LINGO2: variants seen among roughly 807,000 people sequenced by gnomAD.
LINGO2 encodes leucine rich repeat and Ig domain containing 2, also known as leucine-rich repeat and immunoglobulin-like domain-containing nogo receptor-interacting protein 2.
Under a neutral mutation model 30.6 loss-of-function variants are expected in LINGO2, and 14 were observed. The ratio of observed to expected loss-of-function variants is 0.46; its 90% CI spans 0.30 to 0.72. The LOEUF (loss-of-function observed/expected upper bound fraction) is 0.72. LINGO2 is among the 30% of genes least tolerant of loss of function. The probability of loss-of-function intolerance (pLI) is 0.07; values close to 1 mark genes in which losing one functional copy is unlikely to be tolerated. For missense variants in LINGO2, 729 were observed against 751.7 expected, an observed-to-expected ratio of 0.97 and a Z score of 0.35; for synonymous variants, 317 against 288.5, an observed-to-expected ratio of 1.10 and a Z score of -1.00.
chr9:28,149,891 A>T (rs1184276930), intron 4 of LINGO2, among the ~76,000 whole-genome samples: 1 of 149,786 alleles, frequency 6.7e-6, no homozygotes, highest in Non-Finnish European at 1.5e-5. Context: ...CTGGGAAGTA[A>T]GGAGCGCCTA....
At chr9:28,995,685 C>A in the LINGO2 span, among the ~76,000 whole-genome samples, 6 of 152,236 alleles carry the variant, frequency 3.9e-5, no homozygotes, top group African/African-American at 1.4e-4. Context: ...GAATACTATG[C>A]AGCCATAAAA....
intron 2 of LINGO2, among the ~76,000 whole-genome samples, chr9:28,374,670 T>C (rs1033874950): frequency 6.6e-6 from 1 of 152,108 alleles, no homozygotes; most frequent in African/African-American, 2.4e-5. Flanking sequence ...TTTAGGATTG[T>C]TTCAATATTG....
the LINGO2 span, among the ~76,000 whole-genome samples, chr9:29,124,898 G>C: frequency 6.6e-6 from 1 of 152,020 alleles, no homozygotes; most frequent in Non-Finnish European, 1.5e-5. Context: ...TGACCCAGCA[G>C]TCCCATTACT....
At chr9:28,958,801 A>G in the LINGO2 span, among the ~76,000 whole-genome samples, 1 of 152,054 alleles carries the variant, frequency 6.6e-6, no homozygotes, top group Admixed American at 6.6e-5. Flanking sequence ...AGAGACTGAG[A>G]GAAAGAGAGG....
At chr9:28,100,778 C>G (rs1826391501) in intron 4 of LINGO2, among the ~76,000 whole-genome samples, 1 of 152,164 alleles carries the variant, frequency 6.6e-6, no homozygotes, top group Admixed American at 6.6e-5. Flanking sequence ...GATTCAACTT[C>G]TATCCCACAA....
At chr9:28,027,617 T>C (rs1323633616) in intron 4 of LINGO2, among the ~76,000 whole-genome samples, 4 of 152,184 alleles carry the variant, frequency 2.6e-5, no homozygotes, top group Non-Finnish European at 5.9e-5. Context: ...AATGTGACCT[T>C]GGGCAAGTTA....
At chr9:28,003,345 A>G in intron 5 of LINGO2, among the ~76,000 whole-genome samples, 1 of 95,582 alleles carries the variant, frequency 1.0e-5, no homozygotes, top group South Asian at 3.4e-4. Flanking sequence ...ATAGATATAT[A>G]GATAGATAGA....
At chr9:28,420,014 G>C (rs1032236156) in intron 2 of LINGO2, among the ~76,000 whole-genome samples, 3 of 151,974 alleles carry the variant, frequency 2.0e-5, no homozygotes, top group African/African-American at 7.2e-5. Flanking sequence ...TGAATGTTTG[G>C]CAGTGCTATA....
At chr9:28,312,220 C>T (rs181906161) in intron 3 of LINGO2, among the ~76,000 whole-genome samples, 20 of 139,728 alleles carry the variant, frequency 1.4e-4, no homozygotes, top group East Asian at 6.2e-4. Flanking sequence ...TTGTCCTTAC[C>T]GAGAAAGAAT....
chr9:28,240,616 A>G (rs1821748934), intron 4 of LINGO2, among the ~76,000 whole-genome samples: 1 of 152,168 alleles, frequency 6.6e-6, no homozygotes, highest in African/African-American at 2.4e-5. Context: ...CTTGATCCCC[A>G]TCTCTTATCT....
At chr9:28,756,878 AATAAATAACCTAGT>A in the LINGO2 span, among the ~76,000 whole-genome samples, 10 of 151,864 alleles carry the variant, frequency 6.6e-5, no homozygotes, top group South Asian at 2.1e-3. Flanking sequence ...TTTTTCTTCG[AATAAATAACCTAGT>A]CTTAGGCAGA....
chr9:28,186,791 T>C (rs1432356494), intron 4 of LINGO2, among the ~76,000 whole-genome samples: 1 of 152,022 alleles, frequency 6.6e-6, no homozygotes, highest in African/African-American at 2.4e-5. Context: ...CCTAGCATAT[T>C]TGACAAGCAG....
At chr9:28,089,676 C>T (rs369873667) in intron 4 of LINGO2, among the ~76,000 whole-genome samples, 1 of 152,146 alleles carries the variant, frequency 6.6e-6, no homozygotes, top group African/African-American at 2.4e-5. Flanking sequence ...AGAGCAAACA[C>T]ATTCAAAAGC....
the LINGO2 span, among the ~76,000 whole-genome samples, chr9:29,104,569 C>T: frequency 2.0e-5 from 3 of 152,078 alleles, no homozygotes; most frequent in Non-Finnish European, 4.4e-5. Context: ...TGGACTAACA[C>T]AATATGTGAA....
intron 1 of LINGO2, among the ~76,000 whole-genome samples, chr9:28,486,856 C>T (rs1347897026): frequency 6.6e-6 from 1 of 151,990 alleles, no homozygotes; most frequent in Non-Finnish European, 1.5e-5. Context: ...GTTTATAGGA[C>T]ATACAGCCAG....
At chr9:29,186,647 C>T in the LINGO2 span, among the ~76,000 whole-genome samples, 44 of 152,120 alleles carry the variant, frequency 2.9e-4, no homozygotes, top group African/African-American at 9.9e-4. Flanking sequence ...GTATGGTTGA[C>T]GCTTCATTTC....
At chr9:27,943,995 C>T (rs1823269752), downstream of LINGO2, 1 of 152,064 alleles carries the variant, frequency 6.6e-6, no homozygotes, top group South Asian at 2.1e-4. Context: ...TGATCAAACT[C>T]CCAAATTTGG....
intron 4 of LINGO2, among the ~76,000 whole-genome samples, chr9:28,030,863 T>C (rs1471350708): frequency 1.3e-5 from 2 of 152,094 alleles, no homozygotes; most frequent in African/African-American, 4.8e-5. Flanking sequence ...AGATTCAAAA[T>C]GAGACTCTGA....
At chr9:28,759,496 C>G in the LINGO2 span, among the ~76,000 whole-genome samples, 3 of 151,862 alleles carry the variant, frequency 2.0e-5, no homozygotes, top group Admixed American at 2.0e-4. Flanking sequence ...TCCTGGCTAA[C>G]ATGGTGAAAC....
Sources: allele counts gnomAD v4.1 joint callset (sites outside exome capture counted in the v4.1 genomes callset), GRCh38; gene constraint gnomAD v4.1.1; transcripts MANE v1.5; gene names NCBI Gene and HGNC (gene_info 2026-07-23, HGNC 2026-07-21).